The following EPHX4 variants were observed in gnomAD, a reference collection of about 807,000 sequenced individuals.
EPHX4 encodes the protein epoxide hydrolase 4, also known as abhydrolase domain containing 7.
A neutral mutation model predicts 44.9 loss-of-function variants in EPHX4; 31 were observed. The ratio of observed to expected loss-of-function variants is 0.69; its 90% CI spans 0.52 to 0.93. EPHX4 has a LOEUF of 0.93. Among genes scored for constraint, EPHX4 ranks in the 40% least tolerant of loss-of-function variants. EPHX4 has a pLI of 0.00. For synonymous variants in EPHX4, 151 were observed against 159.7 expected, an observed-to-expected ratio of 0.95 and a Z score of 0.41; for missense variants, 373 against 438.1, an observed-to-expected ratio of 0.85 and a Z score of 1.33.
At chr1:92,052,819 A>G (rs1647291317) in intron 6 of EPHX4, among the ~76,000 whole-genome samples, 161 bp downstream of exon 6, 1 of 152,204 alleles carries the variant, frequency 6.6e-6, no homozygotes, top group Non-Finnish European at 1.5e-5. Context: ...ACAATTTCAA[A>G]CATATGGAAA....
At chr1:92,055,585 A>C (rs367739320) in intron 6 of EPHX4, among the ~76,000 whole-genome samples, 247 of 152,326 alleles carry the variant, frequency 1.6e-3, no homozygotes, top group African/African-American at 5.8e-3. Flanking sequence ...GATAGATTGC[A>C]GAGGCTACAG....
chr1:92,062,972 T>C (rs991912992), intron 6 of EPHX4, 83 bp from the exon 7 acceptor site: 3 of 1,205,638 alleles, frequency 2.5e-6, no homozygotes, highest in Non-Finnish European at 3.6e-6. Flanking sequence ...ACTTCAAGAA[T>C]GTATGACCTA....
intron 4 of EPHX4, among the ~76,000 whole-genome samples, chr1:92,050,113 T>TA (rs1208882777): frequency 2.0e-5 from 3 of 150,808 alleles, no homozygotes; most frequent in African/African-American, 4.9e-5. Flanking sequence ...AAATAAAAAA[T>TA]AAAAAAAATA....
At chr1:92,051,911 C>T (rs1463513019) in intron 5 of EPHX4, among the ~76,000 whole-genome samples, 1 of 152,074 alleles carries the variant, frequency 6.6e-6, no homozygotes, top group Non-Finnish European at 1.5e-5. Flanking sequence ...AGAATTTTTC[C>T]ACATCTACTA....
intron 1 of EPHX4, among the ~76,000 whole-genome samples, chr1:92,030,756 T>A (rs976393216): frequency 6.6e-6 from 1 of 152,018 alleles, no homozygotes; most frequent in Admixed American, 6.5e-5. Flanking sequence ...CTTGCCCAAT[T>A]TTAGAGATAA....
At chr1:92,033,237 C>T (rs1688387199) in intron 2 of EPHX4, among the ~76,000 whole-genome samples, 1 of 151,998 alleles carries the variant, frequency 6.6e-6, no homozygotes, top group African/African-American at 2.4e-5. Context: ...TTTTAACAGA[C>T]CCTACTTTTT....
intron 2 of EPHX4, among the ~76,000 whole-genome samples, chr1:92,041,152 G>A (rs1688502571): frequency 6.6e-6 from 1 of 151,994 alleles, no homozygotes; most frequent in African/African-American, 2.4e-5. Context: ...CAAGCAGAGG[G>A]GGAATGCCTG....
intron 6 of EPHX4, among the ~76,000 whole-genome samples, chr1:92,056,903 A>G (rs1184227764): frequency 6.6e-6 from 1 of 152,170 alleles, no homozygotes; most frequent in Non-Finnish European, 1.5e-5. Context: ...GTAGAAATCA[A>G]TAACAATAGC....
chr1:92,060,863 A>T (rs1356189139), intron 6 of EPHX4, among the ~76,000 whole-genome samples: 1 of 151,910 alleles, frequency 6.6e-6, no homozygotes, highest in Non-Finnish European at 1.5e-5. Context: ...TCTAGAATGT[A>T]AGTGGCTTTA....
chr1:92,048,002 T>C (rs1688606085), intron 4 of EPHX4, among the ~76,000 whole-genome samples: 1 of 152,198 alleles, frequency 6.6e-6, no homozygotes, highest in East Asian at 1.9e-4. Flanking sequence ...AATAATTTTG[T>C]ATTCTTTACT....
At chr1:92,045,727 G>A in intron 4 of EPHX4, 67 bp downstream of exon 4, 10 of 1,585,752 alleles carry the variant, frequency 6.3e-6, no homozygotes, top group Non-Finnish European at 8.6e-6. Flanking sequence ...CTGACCTTTT[G>A]GATTAGAAAC....
intron 2 of EPHX4, among the ~76,000 whole-genome samples, chr1:92,041,370 T>C (rs926658930): frequency 2.6e-5 from 4 of 152,236 alleles, no homozygotes; most frequent in African/African-American, 9.6e-5. Context: ...GATAATCTTT[T>C]TTAAAAAACC....
chr1:92,059,504 T>G (rs1647444304), intron 6 of EPHX4, among the ~76,000 whole-genome samples: 1 of 151,854 alleles, frequency 6.6e-6, no homozygotes, highest in South Asian at 2.1e-4. Context: ...TTAGCCAGCA[T>G]GTAAGATAAG....
At chr1:92,032,705 T>C (rs1227366603) in intron 2 of EPHX4, 115 bp downstream of exon 2, 1 of 926,558 alleles carries the variant, frequency 1.1e-6, no homozygotes, top group Non-Finnish European at 1.7e-6. Context: ...TGAACATAAA[T>C]GATTTTCTCA....
At chr1:92,045,455 A>T (rs1030230237) in intron 3 of EPHX4, 77 bp from the exon 4 acceptor site, 1 of 1,528,484 alleles carries the variant, frequency 6.5e-7, no homozygotes, top group Non-Finnish European at 8.9e-7. Context: ...CTTCAGAAGT[A>T]TAACTATTTT....
intron 6 of EPHX4, among the ~76,000 whole-genome samples, chr1:92,053,736 G>A (rs11166030): frequency 0.026 from 3,960 of 152,244 alleles, 189 homozygotes; most frequent in African/African-American, 0.091. Context: ...GGCATGTGCA[G>A]CAGTATGGAT....
Position 92,045,612 on chromosome 1 carries a change from G to A in EPHX4, c.556G>A (p.Val186Met), listed in dbSNP as rs1056818168. 6.2e-7 allele frequency: 1 copy of A among 1,614,034 alleles called. No homozygotes were observed. The highest frequency in any genetic ancestry group is 2.2e-5 in the East Asian group (1 of 44,846). Residue 186 changes from valine to methionine, a missense_variant, in exon 4 of 7, where the codon GTG (valine) becomes ATG (methionine). Physicochemically the swap from Val to Met is conservative, Grantham distance 21. Coordinates refer to ENST00000370383, the MANE Select transcript of EPHX4 (RefSeq NM_173567.5). ...WLIAICYPEM[V>M]MKLIVINFPH... ...AATTGCCATCTGTTATCCTGAAATG[G>A]TGATGAAGCTTATTGTTATTAACTT...
chr1:92,059,486 A>G (rs182572802), intron 6 of EPHX4, among the ~76,000 whole-genome samples: 2 of 152,234 alleles, frequency 1.3e-5, no homozygotes, highest in East Asian at 1.9e-4. Context: ...TCACCACTAT[A>G]TTATGTCTTA....
chr1:92,059,013 A>G (rs1370410393), intron 6 of EPHX4, among the ~76,000 whole-genome samples: 2 of 151,666 alleles, frequency 1.3e-5, no homozygotes, highest in African/African-American at 4.9e-5. Flanking sequence ...GTTGGTGTCT[A>G]TCTGTTAATC....
Sources: gnomAD v4.1 joint callset for allele counts (sites outside exome capture counted in the v4.1 genomes callset) on GRCh38, gnomAD v4.1.1 for gene constraint, MANE v1.5 for transcripts, NCBI Gene and HGNC (gene_info 2026-07-23, HGNC 2026-07-21) for gene names.